Variants in TMEM260 observed in about 807,000 individuals in gnomAD.
TMEM260 encodes protein O-mannosyl-transferase TMEM260.
TMEM260 carries 82 observed loss-of-function variants against 88.9 expected under a neutral mutation model. That is an observed-to-expected ratio of 0.92 (90% confidence interval 0.77 to 1.11). TMEM260 has a LOEUF of 1.11. TMEM260 is among the 50% of genes least tolerant of loss of function. The pLI is 0.00. For missense variants in TMEM260, 902 were observed against 853.4 expected (o/e 1.06, Z -0.71); for synonymous variants, 314 against 309.3 (o/e 1.02, Z -0.16).
At chr14:56,591,684 G>A (rs754342693) in intron 3 of TMEM260, among the ~76,000 whole-genome samples, 6 of 152,054 alleles carry the variant, frequency 3.9e-5, no homozygotes, top group African/African-American at 1.2e-4. Context: ...AAACAAAATC[G>A]ACTAAAATAT....
chr14:56,609,058 A>G (rs763013276), intron 5 of TMEM260, 48 bp from the exon 6 acceptor site: 8 of 1,572,642 alleles, frequency 5.1e-6, no homozygotes, highest in Non-Finnish European at 6.1e-6. Flanking sequence ...TCCGAGATGA[A>G]TCTACTAAAA....
chr14:56,659,163 A>T, the TMEM260 span, among the ~76,000 whole-genome samples: 1 of 152,120 alleles, frequency 6.6e-6, no homozygotes, highest in Non-Finnish European at 1.5e-5. Flanking sequence ...GTGAAGTTGG[A>T]TGAAGGGTAG....
intron 15 of TMEM260, among the ~76,000 whole-genome samples, 173 bp from the exon 16 acceptor site, chr14:56,647,070 A>C (rs185577201): frequency 6.6e-6 from 1 of 152,162 alleles, no homozygotes; most frequent in East Asian, 1.9e-4. Context: ...TGCTACTGTA[A>C]TAATTGCAGT....
chr14:56,604,400 A>G (rs978532559), intron 4 of TMEM260, among the ~76,000 whole-genome samples: 2 of 152,220 alleles, frequency 1.3e-5, no homozygotes, highest in African/African-American at 4.8e-5. Context: ...GTAATCTACT[A>G]ACTAAAAGAA....
At chr14:56,596,389 T>A (rs934605334) in intron 3 of TMEM260, among the ~76,000 whole-genome samples, 168 of 123,438 alleles carry the variant, frequency 1.4e-3, no homozygotes, top group African/African-American at 4.8e-3. Flanking sequence ...AGAGTGTGTG[T>A]GTGTGTGTGT....
At chr14:56,587,435 T>C (rs924955526) in intron 3 of TMEM260, among the ~76,000 whole-genome samples, 1 of 151,994 alleles carries the variant, frequency 6.6e-6, no homozygotes, top group African/African-American at 2.4e-5. Flanking sequence ...CTTAAAAATT[T>C]ACAGAATCTG....
intron 14 of TMEM260, 27 bp downstream of exon 14, chr14:56,634,979 CA>C: frequency 1.2e-6 from 2 of 1,605,824 alleles, no homozygotes; most frequent in Non-Finnish European, 1.7e-6. Context: ...TTTGTGTGTG[CA>C]GTCTATTTTT....
At chr14:56,606,251 G>A (rs1256835490) in intron 5 of TMEM260, among the ~76,000 whole-genome samples, 1 of 152,110 alleles carries the variant, frequency 6.6e-6, no homozygotes, top group Non-Finnish European at 1.5e-5. Context: ...GCAATATAAA[G>A]CAACAGGAAA....
chr14:56,605,689 T>C lies in TMEM260; in HGVS notation c.636+6T>C, dbSNP rs962601104. ...TTCAACTTTTAAAAAAGAAGGTACG[T>C]TTTTGAATTTTGTAAAAAAAAGTAC... On this transcript the variant is annotated splice_donor_region_variant and intron_variant, in intron 5 of 15. Transcript: ENST00000261556. 1 of 1,501,654 alleles carries C rather than the reference T, an allele frequency of 6.7e-7. No homozygotes were observed. Among genetic ancestry groups the C allele is most frequent in the Non-Finnish European group, 9.1e-7 (1 of 1,103,240 alleles). The allele number at this position is 1,501,654 out of a possible 1,614,324, so 93.0% of individuals were successfully genotyped here. A position where few individuals can be genotyped will look rare whatever the true frequency, so the allele number is the denominator to read the frequency against.
Position 56,579,805 on chromosome 14 carries a change from A to G in TMEM260, c.-110A>G. 9.0e-7 allele frequency: 1 copy of G among 1,106,166 alleles called. No homozygotes were observed. Among genetic ancestry groups the G allele is most frequent in the African/African-American group, 1.6e-5 (1 of 61,884 alleles). The allele number at this position is 1,106,166 out of a possible 1,614,324, so 68.5% of individuals were successfully genotyped here. ...TCCAACCCGCGGAGGCTCGACCCGG[A>G]AGCCGCCGTGGCCGCCGCACAAGCT... is the stretch of plus-strand genomic sequence containing the variant. On this transcript the variant is annotated 5_prime_UTR_variant, in exon 1 of 16. Transcript: ENST00000261556.
At chr14:56,617,938 G>A (rs569953827) in intron 9 of TMEM260, among the ~76,000 whole-genome samples, 2 of 152,300 alleles carry the variant, frequency 1.3e-5, no homozygotes, top group South Asian at 4.1e-4. Context: ...TACTGAGATT[G>A]GAAAATGCAG....
chr14:56,612,493 C>G (rs1366925249), intron 7 of TMEM260: 2 of 566,116 alleles, frequency 3.5e-6, no homozygotes, highest in Non-Finnish European at 3.1e-6. Context: ...ATATAAAAAT[C>G]CATGGGTGCT....
At chr14:56,590,916 A>C (rs1196513587) in intron 3 of TMEM260, among the ~76,000 whole-genome samples, 1 of 152,192 alleles carries the variant, frequency 6.6e-6, no homozygotes, top group Non-Finnish European at 1.5e-5. Context: ...TCTCACTTTG[A>C]ATAGAGCAGC....
intron 12 of TMEM260, among the ~76,000 whole-genome samples, chr14:56,631,043 G>A (rs1888557740): frequency 6.6e-6 from 1 of 152,134 alleles, no homozygotes; most frequent in Non-Finnish European, 1.5e-5. Flanking sequence ...CACCTCAGAA[G>A]AAAGAATTCA....
chr14:56,620,596 G>T (rs1274686804), intron 10 of TMEM260, among the ~76,000 whole-genome samples: 1 of 152,126 alleles, frequency 6.6e-6, no homozygotes, highest in Non-Finnish European at 1.5e-5. Flanking sequence ...TAGCACTTTT[G>T]CTAGGTGGCA....
intron 7 of TMEM260, chr14:56,613,805 A>G (rs920868531): frequency 6.6e-6 from 1 of 151,824 alleles, no homozygotes. Flanking sequence ...AATGCCTGTA[A>G]TCCCAGCACT....
intron 13 of TMEM260, among the ~76,000 whole-genome samples, chr14:56,633,659 C>T (rs1267274260): frequency 1.3e-5 from 2 of 151,964 alleles, no homozygotes; most frequent in Non-Finnish European, 2.9e-5. Context: ...TTCTTGGCAT[C>T]AATCTGGTTA....
chr14:56,659,384 A>G, the TMEM260 span, among the ~76,000 whole-genome samples: 3 of 151,686 alleles, frequency 2.0e-5, no homozygotes, highest in Non-Finnish European at 4.4e-5. Flanking sequence ...GGTCTTTATG[A>G]CTTGGGTGCA....
intron 13 of TMEM260, among the ~76,000 whole-genome samples, chr14:56,634,484 T>C (rs1888871709): frequency 6.6e-6 from 1 of 152,224 alleles, no homozygotes; most frequent in African/African-American, 2.4e-5. Flanking sequence ...TCACTGTCAG[T>C]ATTTCAAGAT....
Sources: allele counts gnomAD v4.1 joint callset (sites outside exome capture counted in the v4.1 genomes callset), GRCh38; gene constraint gnomAD v4.1.1; transcripts MANE v1.5; gene names NCBI Gene and HGNC (gene_info 2026-07-23, HGNC 2026-07-21).